The following COL4A5 variants were observed in gnomAD, a reference collection of about 807,000 sequenced individuals.
COL4A5 encodes collagen alpha-5(IV) chain.
A neutral mutation model predicts 130.2 loss-of-function variants in COL4A5; 26 were observed. That is an observed-to-expected ratio of 0.20 (90% CI 0.15 to 0.28). The LOEUF is 0.28. COL4A5 is among the 10% of genes least tolerant of loss of function. The pLI, the probability that COL4A5 is intolerant of heterozygous loss-of-function variation, is 1.00. For missense variants in COL4A5, 1,131 were observed against 1,344.3 expected, an observed-to-expected ratio of 0.84 and a Z score of 2.48; for synonymous variants, 496 against 439.6, an observed-to-expected ratio of 1.13 and a Z score of -1.60.
chrX:108,615,087 A>G (rs1022905736), intron 30 of COL4A5, 63 bp downstream of exon 30: 10 of 791,659 alleles, frequency 1.3e-5, no homozygotes, highest in East Asian at 6.5e-5. Context: ...TAGCTCATCA[A>G]TAAAGTGAAA....
chrX:108,682,341 G>A (rs1391498706), intron 47 of COL4A5, among the ~76,000 whole-genome samples: 4 of 111,881 alleles, frequency 3.6e-5, no homozygotes, highest in Non-Finnish European at 7.5e-5. Flanking sequence ...TGTGAACAGT[G>A]CTGCAATAAA....
intron 36 of COL4A5, among the ~76,000 whole-genome samples, chrX:108,639,457 T>G (rs1211293868): frequency 4.5e-5 from 5 of 111,236 alleles, no homozygotes; most frequent in African/African-American, 1.6e-4. Flanking sequence ...ACATGCCTCA[T>G]GACATTAGAT....
At chrX:108,547,093 C>A (rs756836013) in intron 2 of COL4A5, among the ~76,000 whole-genome samples, 144 of 112,252 alleles carry the variant, frequency 1.3e-3, no homozygotes, top group African/African-American at 4.3e-3. Flanking sequence ...TCATCTGTAG[C>A]CTTCTTCTCT....
chrX:108,453,190 T>C (rs1263059505), intron 1 of COL4A5, among the ~76,000 whole-genome samples: 1 of 111,692 alleles, frequency 9.0e-6, no homozygotes, highest in Non-Finnish European at 1.9e-5. Flanking sequence ...TTGATCATGG[T>C]GGATAAGCTT....
chrX:108,521,677 G>A (rs2065266649), intron 1 of COL4A5, among the ~76,000 whole-genome samples: 1 of 111,252 alleles, frequency 9.0e-6, no homozygotes, highest in Non-Finnish European at 1.9e-5. Context: ...TGTAGCGTTT[G>A]CTGGTGTCTA....
chrX:108,491,884 G>A (rs2064996379), intron 1 of COL4A5, among the ~76,000 whole-genome samples: 1 of 111,655 alleles, frequency 9.0e-6, no homozygotes, highest in Non-Finnish European at 1.9e-5. Flanking sequence ...GCAGCTATGG[G>A]GGTGGAGGAG....
intron 1 of COL4A5, among the ~76,000 whole-genome samples, chrX:108,468,980 G>A (rs1055737879): frequency 2.7e-5 from 3 of 110,357 alleles, no homozygotes; most frequent in Non-Finnish European, 5.7e-5. Context: ...ATCTAGCTAT[G>A]GACTTTACTT....
At chrX:108,456,438 T>G (rs1436831336) in intron 1 of COL4A5, among the ~76,000 whole-genome samples, 1 of 111,965 alleles carries the variant, frequency 8.9e-6, no homozygotes, top group Non-Finnish European at 1.9e-5. Context: ...ATTTCTAAAT[T>G]TATTCATTAG....
At chrX:108,522,755 G>C (rs28766389) in intron 1 of COL4A5, among the ~76,000 whole-genome samples, 1 of 107,548 alleles carries the variant, frequency 9.3e-6, no homozygotes, top group African/African-American at 3.4e-5. Flanking sequence ...CACTTTCTTG[G>C]TAGTGTCCTT....
At chrX:108,646,425 T>C (rs1325778798) in intron 36 of COL4A5, among the ~76,000 whole-genome samples, 4 of 111,412 alleles carry the variant, frequency 3.6e-5, no homozygotes, top group African/African-American at 1.3e-4. Flanking sequence ...TTTGATGGGG[T>C]TGTTTGTTTT....
At chrX:108,641,162 T>C (rs928032942) in intron 36 of COL4A5, among the ~76,000 whole-genome samples, 2 of 111,900 alleles carry the variant, frequency 1.8e-5, no homozygotes, top group Non-Finnish European at 3.8e-5. Context: ...GAAAAAATAT[T>C]TGACAGTGCC....
chrX:108,510,436 CT>C (rs1197612406), intron 1 of COL4A5, among the ~76,000 whole-genome samples: 4 of 110,161 alleles, frequency 3.6e-5, no homozygotes, highest in African/African-American at 6.6e-5. Context: ...TTCTGGTTAA[CT>C]TTTTTTTTCC....
chrX:108,480,609 G>T (rs748484232), intron 1 of COL4A5, among the ~76,000 whole-genome samples: 15 of 113,005 alleles, frequency 1.3e-4, no homozygotes, highest in Non-Finnish European at 2.6e-4. Context: ...CTTCGGGTGG[G>T]CCTCATGCAC....
At chrX:108,688,848 A>G (rs1373602562) in intron 49 of COL4A5, among the ~76,000 whole-genome samples, 1 of 111,579 alleles carries the variant, frequency 9.0e-6, no homozygotes, top group East Asian at 2.8e-4. Flanking sequence ...CTGAGATCTC[A>G]TTGTCTGGGC....
At chrX:108,693,048 A>G in intron 50 of COL4A5, 123 bp downstream of exon 50, 1 of 791,009 alleles carries the variant, frequency 1.3e-6, no homozygotes, top group Non-Finnish European at 1.9e-6. Flanking sequence ...GGTACCTCTT[A>G]ATATTCAATT....
intron 2 of COL4A5, among the ~76,000 whole-genome samples, chrX:108,551,417 T>G (rs1466513630): frequency 8.9e-6 from 1 of 112,160 alleles, no homozygotes; most frequent in Non-Finnish European, 1.9e-5. Flanking sequence ...TCAATGTCAC[T>G]AATCATCAGA....
chrX:108,598,755 A>C lies in COL4A5; in HGVS notation c.1833A>C (p.Pro611=), dbSNP rs1219782263. The change falls in exon 25 of 53, where the codon CCA becomes CCC. Residue 611 remains proline, a synonymous_variant. Transcript: ENST00000328300. ...ERGPPGNPGL[P]GLPGNIGPMG... is the part of the protein sequence containing the mutation. ...GTCCCCCTGGGAACCCAGGTTTACC[A>C]GGCCTCCCAGGGAATATAGGGCCTA... The C allele has an allele frequency of 4.1e-6, 5 of 1,208,963 alleles. No individual in the cohort carries two copies. Among genetic ancestry groups the C allele is most frequent in the Non-Finnish European group, 5.6e-6 (5 of 894,269 alleles).
chrX:108,657,235 A>G (rs1233603378), intron 37 of COL4A5, among the ~76,000 whole-genome samples: 2 of 110,703 alleles, frequency 1.8e-5, no homozygotes, highest in Admixed American at 9.6e-5. Context: ...ATTGCTCCCT[A>G]CACTATTTTT....
intron 1 of COL4A5, among the ~76,000 whole-genome samples, chrX:108,538,379 G>A (rs2065485263): frequency 8.9e-6 from 1 of 112,124 alleles, no homozygotes; most frequent in Non-Finnish European, 1.9e-5. Flanking sequence ...CGTGTCAGGA[G>A]CACAGCTTTC....
Sources: allele counts gnomAD v4.1 joint callset (sites outside exome capture counted in the v4.1 genomes callset), GRCh38; gene constraint gnomAD v4.1.1; transcripts MANE v1.5; gene names NCBI Gene and HGNC (gene_info 2026-07-23, HGNC 2026-07-21).